Variants in SAXO1 observed in about 807,000 individuals in gnomAD.
SAXO1 encodes the protein 4930500O09Rik.
Under a neutral mutation model 17.5 loss-of-function variants are expected in SAXO1, and 21 were observed. That is an observed-to-expected ratio of 1.20 (90% CI 0.85 to 1.72). SAXO1 has a LOEUF of 1.72. SAXO1 is among the 40% of genes most tolerant of loss of function. The pLI, the probability that SAXO1 is intolerant of heterozygous loss-of-function variation, is 0.00. For missense variants in SAXO1, 843 were observed against 596.0 expected (o/e 1.41, Z -4.32); for synonymous variants, 274 against 216.5 (o/e 1.27, Z -2.33).
intron 1 of SAXO1, chr9:19,027,657 C>G: frequency 7.2e-7 from 1 of 1,383,886 alleles, no homozygotes; most frequent in South Asian, 1.2e-5. Flanking sequence ...TTCGCCCTGG[C>G]CAAGGAGAAA....
intron 1 of SAXO1, among the ~76,000 whole-genome samples, chr9:19,026,440 G>C (rs977542490): frequency 2.0e-5 from 3 of 152,068 alleles, no homozygotes; most frequent in South Asian, 2.1e-4. Context: ...AAAAGAGCTA[G>C]AGACCACTAA....
intron 2 of SAXO1, among the ~76,000 whole-genome samples, chr9:18,944,908 A>G (rs1428737852): frequency 6.6e-6 from 1 of 152,174 alleles, no homozygotes; most frequent in Non-Finnish European, 1.5e-5. Context: ...TAGTGTGTCC[A>G]AGTAATCAAT....
intron 1 of SAXO1, among the ~76,000 whole-genome samples, chr9:18,988,566 A>G (rs988870593): frequency 1.3e-5 from 2 of 152,246 alleles, no homozygotes; most frequent in Non-Finnish European, 2.9e-5. Context: ...TTTCATATAC[A>G]TTAAATCATG....
chr9:18,946,169 G>A (rs564004808), intron 2 of SAXO1, among the ~76,000 whole-genome samples: 14 of 151,454 alleles, frequency 9.2e-5, no homozygotes, highest in African/African-American at 1.9e-4. Flanking sequence ...CTAACTACTC[G>A]GGAGGCTGAG....
intron 1 of SAXO1, among the ~76,000 whole-genome samples, chr9:19,019,306 G>C (rs1835125881): frequency 6.6e-6 from 1 of 152,144 alleles, no homozygotes; most frequent in South Asian, 2.1e-4. Flanking sequence ...AGGCTCTTCT[G>C]TCTTTCCAGA....
chr9:18,962,309 C>G (rs778696639), intron 1 of SAXO1, among the ~76,000 whole-genome samples: 7 of 152,184 alleles, frequency 4.6e-5, no homozygotes, highest in Non-Finnish European at 8.8e-5. Flanking sequence ...CTCAGATGAT[C>G]TGCCCGCCTT....
intron 1 of SAXO1, among the ~76,000 whole-genome samples, chr9:19,048,183 A>G (rs1205873353): frequency 6.6e-6 from 1 of 152,234 alleles, no homozygotes; most frequent in African/African-American, 2.4e-5. Flanking sequence ...TAAGGGCTTT[A>G]GGCCAGGCAC....
intron 3 of SAXO1, among the ~76,000 whole-genome samples, chr9:18,937,294 G>T (rs1443768520): frequency 6.6e-6 from 1 of 152,176 alleles, no homozygotes; most frequent in Non-Finnish European, 1.5e-5. Context: ...AATAGCCTGG[G>T]TGGGGATTTG....
chr9:19,014,327 G>A (rs1175266809), intron 1 of SAXO1, among the ~76,000 whole-genome samples: 1 of 151,478 alleles, frequency 6.6e-6, no homozygotes, highest in Non-Finnish European at 1.5e-5. Context: ...CTGGGCGTGG[G>A]GGTGGGCACC....
intron 1 of SAXO1, among the ~76,000 whole-genome samples, chr9:19,012,176 AGAT>A (rs1834772722): frequency 6.6e-6 from 1 of 152,212 alleles, no homozygotes; most frequent in Non-Finnish European, 1.5e-5. Flanking sequence ...AGAGGAAAAA[AGAT>A]GAGGCATATA....
chr9:19,004,705 G>C (rs1834418864), intron 1 of SAXO1, among the ~76,000 whole-genome samples: 2 of 152,076 alleles, frequency 1.3e-5, no homozygotes, highest in African/African-American at 4.8e-5. Flanking sequence ...ATCACACCCT[G>C]GGGGCCTGTT....
intron 1 of SAXO1, among the ~76,000 whole-genome samples, chr9:18,998,120 A>G (rs1834088292): frequency 6.6e-6 from 1 of 152,184 alleles, no homozygotes; most frequent in Non-Finnish European, 1.5e-5. Context: ...GACTTTGACA[A>G]GTTGACAAAA....
In SAXO1 at chr9:19,033,135, G is replaced by T. The variant is rs1247174491; in HGVS notation, c.-227C>A. The T allele has an allele frequency of 1.5e-5, 7 of 475,000 alleles. No homozygotes were observed. Among genetic ancestry groups the T allele is most frequent in the Non-Finnish European group, 2.6e-5 (7 of 269,896 alleles). 29.4% of individuals were successfully genotyped at this position (475,000 alleles called of 1,614,324 possible). A position where few individuals can be genotyped will look rare whatever the true frequency, so the allele number is the denominator to read the frequency against. On this transcript the variant is annotated 5_prime_UTR_variant, in exon 1 of 4. The change creates a new upstream start codon in the 5' untranslated region. Coordinates refer to ENST00000380534, the MANE Select transcript of SAXO1 (RefSeq NM_153707.4). ...CAGCAGGGGGCTTGCACGCGCGCCA[G>T]CCCGGGAGACCTCACCCTGCACGCC...
chr9:18,972,758 T>G (rs1253123573), intron 1 of SAXO1, among the ~76,000 whole-genome samples: 2 of 152,206 alleles, frequency 1.3e-5, no homozygotes, highest in African/African-American at 2.4e-5. Flanking sequence ...ATCTCTTTCC[T>G]TATACTCTCC....
At chr9:19,019,423 A>G (rs956930401) in intron 1 of SAXO1, among the ~76,000 whole-genome samples, 1 of 152,124 alleles carries the variant, frequency 6.6e-6, no homozygotes, top group Non-Finnish European at 1.5e-5. Flanking sequence ...CACCCAACAC[A>G]AGAGTCAGAA....
chr9:19,029,260 T>C (rs1181514281), intron 1 of SAXO1, among the ~76,000 whole-genome samples: 1 of 152,162 alleles, frequency 6.6e-6, no homozygotes, highest in Admixed American at 6.5e-5. Flanking sequence ...AAGAAGAGAA[T>C]GTGAGAGAGA....
At chr9:19,006,404 G>A (rs902867561) in intron 1 of SAXO1, among the ~76,000 whole-genome samples, 4 of 152,208 alleles carry the variant, frequency 2.6e-5, no homozygotes, top group Non-Finnish European at 5.9e-5. Context: ...ACAAAATGTG[G>A]TGGTAAACAC....
Position 19,023,789 on chromosome 9 carries a change from AAGGG to A in SAXO1, c.38+9078_38+9081del, listed in dbSNP as rs113984227. ...ATTTCTGAAGAAGAAAGAAGGAAGG[AAGGG>A]AGGGAGGAAAGCAAGGAAAGGAAAG... On this transcript the variant is annotated intron_variant, in intron 1 of 3. Transcript: ENST00000380534. 8.7e-3 allele frequency among the ~76,000 whole-genome samples: 199 copies of A among 22,878 alleles called. 1 individual carries two copies. The highest frequency in any genetic ancestry group is 0.05 in the African/African-American group (137 of 2,738). 15.0% of individuals were successfully genotyped at this position (22,878 alleles called of 152,430 possible).
intron 1 of SAXO1, among the ~76,000 whole-genome samples, chr9:18,976,195 G>C (rs1239032566): frequency 6.6e-6 from 1 of 152,194 alleles, no homozygotes; most frequent in Admixed American, 6.5e-5. Context: ...TTGGGTTTGA[G>C]GGGCAGCTGA....
Sources: gnomAD v4.1 joint callset for allele counts (sites outside exome capture counted in the v4.1 genomes callset) on GRCh38, gnomAD v4.1.1 for gene constraint, MANE v1.5 for transcripts, NCBI Gene and HGNC (gene_info 2026-07-23, HGNC 2026-07-21) for gene names.